Variants in RAD51 observed in about 807,000 individuals in gnomAD.
RAD51 encodes RAD51 recombinase, also known as DNA repair protein RAD51 homolog 1.
In RAD51, 14 loss-of-function variants were observed where a neutral mutation model predicts 41.5. The observed-to-expected ratio is 0.34, with a 90% CI of 0.22 to 0.53. The LOEUF is 0.53. RAD51 is among the 20% of genes least tolerant of loss of function. RAD51 has a pLI of 0.95. For missense variants in RAD51, 234 were observed against 422.0 expected (o/e 0.55, Z 3.90); for synonymous variants, 136 against 148.6 (o/e 0.92, Z 0.62).
chr15:40,727,668 C>G (rs1464268453), intron 6 of RAD51, among the ~76,000 whole-genome samples: 2 of 151,574 alleles, frequency 1.3e-5, no homozygotes, highest in East Asian at 1.9e-4. Context: ...AAAGTACTTA[C>G]ACCTGTTACA....
intron 5 of RAD51, among the ~76,000 whole-genome samples, chr15:40,717,033 A>T (rs945880815): frequency 2.0e-5 from 3 of 152,060 alleles, no homozygotes; most frequent in Non-Finnish European, 4.4e-5. Context: ...TTCAAAAAAA[A>T]ATTCTCAAAG....
intron 3 of RAD51, among the ~76,000 whole-genome samples, chr15:40,704,027 C>G (rs1895166545): frequency 6.6e-6 from 1 of 151,996 alleles, no homozygotes; most frequent in Non-Finnish European, 1.5e-5. Context: ...CTCAGCCTCC[C>G]AGGTAACTAG....
chr15:40,730,994 G>C, intron 9 of RAD51, 61 bp from the exon 10 acceptor site: 1 of 1,609,972 alleles, frequency 6.2e-7, no homozygotes, highest in South Asian at 1.1e-5. Context: ...CTGTTACAAA[G>C]TCAGGAACGG....
chr15:40,712,862 TTTTTC>T (rs1555427813), intron 5 of RAD51, among the ~76,000 whole-genome samples: 4 of 140,844 alleles, frequency 2.8e-5, no homozygotes, highest in African/African-American at 8.0e-5. Flanking sequence ...GTTGAGTTTT[TTTTTC>T]TTTTCTTTTC....
intron 5 of RAD51, among the ~76,000 whole-genome samples, chr15:40,716,439 C>G (rs12898552): frequency 0.27 from 40,564 of 151,562 alleles, 6,409 homozygotes; most frequent in Middle Eastern, 0.35. Context: ...TGATATCGCT[C>G]ACTGCACCCT....
At chr15:40,715,723 A>G (rs1043977506) in intron 5 of RAD51, among the ~76,000 whole-genome samples, 1 of 152,182 alleles carries the variant, frequency 6.6e-6, no homozygotes, top group African/African-American at 2.4e-5. Context: ...TTGTCAGTCT[A>G]CCTACCTATT....
intron 5 of RAD51, among the ~76,000 whole-genome samples, chr15:40,717,466 T>C (rs1316876960): frequency 6.6e-6 from 1 of 152,224 alleles, no homozygotes; most frequent in African/African-American, 2.4e-5. Flanking sequence ...AATTACCCTT[T>C]AGCATCATTC....
intron 6 of RAD51, among the ~76,000 whole-genome samples, chr15:40,723,811 T>A (rs1896402343): frequency 6.6e-6 from 1 of 152,216 alleles, no homozygotes; most frequent in South Asian, 2.1e-4. Flanking sequence ...TTTTGAGGTA[T>A]GTTAATTATA....
intron 2 of RAD51, among the ~76,000 whole-genome samples, 173 bp downstream of exon 2, chr15:40,699,018 T>C (rs1318739095): frequency 6.6e-6 from 1 of 152,236 alleles, no homozygotes; most frequent in African/African-American, 2.4e-5. Context: ...TTGCTAAATA[T>C]GTCTGGCAGG....
intron 4 of RAD51, 82 bp from the exon 5 acceptor site, chr15:40,708,943 G>T: frequency 8.3e-7 from 1 of 1,205,660 alleles, no homozygotes; most frequent in Admixed American, 1.7e-5. Context: ...ACATCTTTCT[G>T]ATGAGCTCCA....
intron 6 of RAD51, 87 bp downstream of exon 6, chr15:40,718,986 T>G: frequency 1.6e-6 from 2 of 1,220,834 alleles, no homozygotes; most frequent in Non-Finnish European, 2.4e-6. Context: ...AGAATGTCTC[T>G]TCTATAACCC....
At chr15:40,714,407 G>A (rs1895881475) in intron 5 of RAD51, among the ~76,000 whole-genome samples, 1 of 152,146 alleles carries the variant, frequency 6.6e-6, no homozygotes, top group Admixed American at 6.5e-5. Context: ...TAAGTATTTA[G>A]ACTACAGTAC....
intron 1 of RAD51, chr15:40,695,712 T>C (rs938353997): frequency 6.6e-6 from 1 of 152,242 alleles, no homozygotes; most frequent in Non-Finnish European, 1.5e-5. Flanking sequence ...TAGCCACAGC[T>C]GTTTAATATC....
At chr15:40,712,442 C>T (rs1331393231) in intron 5 of RAD51, among the ~76,000 whole-genome samples, 2 of 152,058 alleles carry the variant, frequency 1.3e-5, no homozygotes, top group African/African-American at 2.4e-5. Flanking sequence ...AATCTGGAAA[C>T]GAAAGATCCA....
At position 40,731,139 on chromosome 15, in the gene RAD51, C is replaced by T. The variant is rs773392887; in HGVS notation, c.981C>T (p.Phe327=). 16 of 1,613,950 alleles carry T rather than the reference C, an allele frequency of 9.9e-6. No individual in the cohort carries two copies. Among genetic ancestry groups the T allele is most frequent in the Non-Finnish European group, 1.3e-5 (15 of 1,180,008 alleles). The change falls in exon 10 of 10, where the codon TTC becomes TTT. Residue 327 remains phenylalanine, a synonymous_variant. Transcript: ENST00000267868. ...GTCTTCCTGAAGCTGAAGCTATGTT[C>T]GCCATTAATGCAGATGGAGTGGGAG... ...SPCLPEAEAM[F]AINADGVGDA...
chr15:40,714,896 G>A (rs1249856958), intron 5 of RAD51, among the ~76,000 whole-genome samples: 2 of 152,218 alleles, frequency 1.3e-5, no homozygotes, highest in Non-Finnish European at 2.9e-5. Flanking sequence ...ATTCTGGGCC[G>A]GGTATGGTGG....
rs1482030947 is a variant in RAD51, at chr15:40,708,880, T to C, written c.344-145T>C. ...TGAGCCACCACGGCTAGCCTCAAAA[T>C]ACATTTGTGAAAAATTATCGCTTGT... On this transcript the variant is annotated intron_variant, in intron 4 of 9. Coordinates refer to ENST00000267868, the MANE Select transcript of RAD51 (RefSeq NM_002875.5). The C allele has an allele frequency of 6.4e-6, 5 of 780,010 alleles. No individual in the cohort carries two copies. The East Asian group carries it at 1.1e-4, about 17-fold the overall frequency. The allele number at this position is 780,010 out of a possible 1,614,324, so 48.3% of individuals were successfully genotyped here.
chr15:40,714,073 C>G (rs1356711608), intron 5 of RAD51, among the ~76,000 whole-genome samples: 1 of 140,896 alleles, frequency 7.1e-6, no homozygotes, highest in Non-Finnish European at 1.5e-5. Context: ...AAGCAATCCT[C>G]CAACCTCAGC....
chr15:40,705,329 A>G (rs931745634), intron 3 of RAD51, among the ~76,000 whole-genome samples: 3 of 152,226 alleles, frequency 2.0e-5, no homozygotes, highest in Non-Finnish European at 4.4e-5. Flanking sequence ...GAATCAACCC[A>G]TAGTGCTATT....
Sources: allele counts gnomAD v4.1 joint callset (sites outside exome capture counted in the v4.1 genomes callset), GRCh38; gene constraint gnomAD v4.1.1; transcripts MANE v1.5; gene names NCBI Gene and HGNC (gene_info 2026-07-23, HGNC 2026-07-21).